The following TEX11 variants were observed in gnomAD, a reference collection of about 807,000 sequenced individuals.
TEX11 encodes the protein testis-expressed protein 11.
TEX11 carries 7 observed loss-of-function variants against 84.4 expected under a neutral mutation model. That is an observed-to-expected ratio of 0.08 (90% CI 0.05 to 0.16). The LOEUF (loss-of-function observed/expected upper bound fraction) is 0.16. Ranked by LOEUF, TEX11 falls within the 10% of genes least tolerant of loss-of-function variation. The probability of loss-of-function intolerance (pLI) is 1.00; values close to 1 mark genes in which losing one functional copy is unlikely to be tolerated. For missense variants in TEX11, 551 were observed against 660.5 expected (o/e 0.83, Z 1.82); for synonymous variants, 264 against 222.8 (o/e 1.18, Z -1.64).
At chrX:70,782,645 C>CAAAA (rs780011355) in intron 9 of TEX11, among the ~76,000 whole-genome samples, 508 of 28,874 alleles carry the variant, frequency 0.018, 71 homozygotes, top group African/African-American at 0.069. Flanking sequence ...AAATGGAAAG[C>CAAAA]AAAAAAAAAA....
intron 9 of TEX11, among the ~76,000 whole-genome samples, chrX:70,745,740 AATAAATAAAT>A (rs1160290353): frequency 8.9e-6 from 1 of 112,095 alleles, no homozygotes; most frequent in Non-Finnish European, 1.9e-5. Context: ...TCTCGAAATA[AATAAATAAAT>A]ATAAATAAAC....
In TEX11 at chrX:70,724,109, C is replaced by G. The variant is rs201640650; in HGVS notation, c.925+1153G>C. ...AAACACTGTCATAAGGAATTATCAT[C>G]CCAAACTAATGTACTTCAACTTGGT... On this transcript the variant is annotated intron_variant, in intron 12 of 29. Coordinates refer to ENST00000374333, the MANE Select transcript of TEX11 (RefSeq NM_031276.3). 26 of 751,441 alleles carry G rather than the reference C, an allele frequency of 3.5e-5. No homozygotes were observed. In the East Asian group the frequency reaches 2.7e-3, roughly 79 times the overall value. The allele number at this position is 751,441 out of a possible 1,213,427, so 61.9% of individuals were successfully genotyped here. A position where few individuals can be genotyped will look rare whatever the true frequency, so the allele number is the denominator to read the frequency against.
intron 8 of TEX11, among the ~76,000 whole-genome samples, chrX:70,807,396 T>C (rs2091225235): frequency 8.9e-6 from 1 of 112,100 alleles, no homozygotes; most frequent in South Asian, 3.7e-4. Context: ...TAAATTAGCA[T>C]TGAGATGAAA....
intron 11 of TEX11, among the ~76,000 whole-genome samples, chrX:70,730,872 A>C (rs1007153691): frequency 9.0e-6 from 1 of 111,678 alleles, no homozygotes; most frequent in Non-Finnish European, 1.9e-5. Flanking sequence ...ACCACACCAC[A>C]CCTATTCCAA....
At chrX:70,581,279 G>A (rs2088771202) in intron 25 of TEX11, among the ~76,000 whole-genome samples, 1 of 81,934 alleles carries the variant, frequency 1.2e-5, no homozygotes, top group Non-Finnish European at 2.3e-5. Context: ...GCAGTTTTAA[G>A]TTTATATACT....
downstream of TEX11, among the ~76,000 whole-genome samples, chrX:70,526,140 T>C (rs2087820401): frequency 2.7e-5 from 3 of 111,370 alleles, no homozygotes; most frequent in Admixed American, 9.6e-5. Flanking sequence ...GAGTAGGAGA[T>C]TGGGATCATA....
intron 11 of TEX11, among the ~76,000 whole-genome samples, chrX:70,738,428 T>A (rs1004396569): frequency 1.8e-5 from 2 of 111,631 alleles, no homozygotes; most frequent in African/African-American, 6.5e-5. Context: ...AAAATGACAA[T>A]TATTAAAAAG....
chrX:70,775,178 C>T (rs762074745), intron 9 of TEX11, among the ~76,000 whole-genome samples: 1 of 111,646 alleles, frequency 9.0e-6, no homozygotes, highest in Admixed American at 9.5e-5. Context: ...TCACCATATA[C>T]AAAAATCAAC....
chrX:70,765,151 C>T (rs761440057), intron 9 of TEX11, among the ~76,000 whole-genome samples: 4 of 111,371 alleles, frequency 3.6e-5, no homozygotes, highest in African/African-American at 1.3e-4. Context: ...TTTGGGAGGC[C>T]GAGGCAGGCG....
chrX:70,858,812 C>T (rs1016810081), intron 5 of TEX11, among the ~76,000 whole-genome samples: 43 of 111,414 alleles, frequency 3.9e-4, no homozygotes, highest in Middle Eastern at 4.6e-3. Flanking sequence ...CCAAGGTGGG[C>T]GGATCACCTG....
At chrX:70,671,280 G>C (rs2090019948) in intron 15 of TEX11, among the ~76,000 whole-genome samples, 1 of 111,212 alleles carries the variant, frequency 9.0e-6, no homozygotes, top group African/African-American at 3.3e-5. Flanking sequence ...ACCAAGGTAA[G>C]GTAAATGATT....
chrX:70,896,374 T>G (rs1602219698), intron 2 of TEX11, among the ~76,000 whole-genome samples: 2 of 112,158 alleles, frequency 1.8e-5, no homozygotes, highest in East Asian at 5.6e-4. Flanking sequence ...AAACAACAGA[T>G]GCTGGAGAGG....
chrX:70,687,996 C>T (rs997459197), intron 13 of TEX11, among the ~76,000 whole-genome samples: 3 of 110,879 alleles, frequency 2.7e-5, no homozygotes, highest in Non-Finnish European at 5.7e-5. Flanking sequence ...GCCTCAGCGA[C>T]GTGTAAGACA....
intron 8 of TEX11, among the ~76,000 whole-genome samples, chrX:70,816,241 T>C (rs774435647): frequency 1.8e-5 from 2 of 112,208 alleles, no homozygotes; most frequent in South Asian, 7.4e-4. Context: ...ATTAGAGGCA[T>C]ACTGATGTCA....
At chrX:70,737,595 A>G (rs986924816) in intron 11 of TEX11, among the ~76,000 whole-genome samples, 10 of 110,999 alleles carry the variant, frequency 9.0e-5, no homozygotes, top group African/African-American at 2.9e-4. Flanking sequence ...AAGACACGCT[A>G]TATAAAAAAG....
intron 28 of TEX11, among the ~76,000 whole-genome samples, chrX:70,542,910 G>A (rs997738825): frequency 6.2e-5 from 7 of 112,280 alleles, no homozygotes; most frequent in Admixed American, 9.4e-5. Context: ...GGCTGGGCGC[G>A]GTGGCTCACG....
At chrX:70,711,057 C>T (rs184166106) in intron 13 of TEX11, among the ~76,000 whole-genome samples, 1,427 of 109,427 alleles carry the variant, frequency 0.013, 28 homozygotes, top group African/African-American at 0.045. Context: ...TTTGTCCTTG[C>T]GATAGTTTGC....
chrX:70,637,242 A>G (rs1475242977), intron 17 of TEX11, among the ~76,000 whole-genome samples: 1 of 112,083 alleles, frequency 8.9e-6, no homozygotes, highest in Non-Finnish European at 1.9e-5. Context: ...TAAAAAGTCA[A>G]AAAACAACAG....
chrX:70,704,516 A>T (rs1490621456), intron 13 of TEX11, among the ~76,000 whole-genome samples: 1 of 111,469 alleles, frequency 9.0e-6, no homozygotes, highest in East Asian at 2.8e-4. Context: ...ACTCGAAATC[A>T]TTATTCTTTT....
Sources: gnomAD v4.1 joint callset for allele counts (sites outside exome capture counted in the v4.1 genomes callset) on GRCh38, gnomAD v4.1.1 for gene constraint, MANE v1.5 for transcripts, NCBI Gene and HGNC (gene_info 2026-07-23, HGNC 2026-07-21) for gene names.